RHAG: variants seen among roughly 807,000 people sequenced by gnomAD.
The protein encoded by RHAG is ammonium transporter Rh type A.
Under a neutral mutation model 42.4 loss-of-function variants are expected in RHAG, and 25 were observed. That is an observed-to-expected ratio of 0.59 (90% CI 0.43 to 0.82). The LOEUF (loss-of-function observed/expected upper bound fraction) is 0.82. Ranked by LOEUF, RHAG falls within the 40% of genes least tolerant of loss-of-function variation. The pLI, the probability that RHAG is intolerant of heterozygous loss-of-function variation, is 0.00. For missense variants in RHAG, 483 were observed against 504.6 expected, an observed-to-expected ratio of 0.96 and a Z score of 0.41; for synonymous variants, 182 against 177.7, an observed-to-expected ratio of 1.02 and a Z score of -0.19.
At chr6:49,615,312 TAAGAG>T (rs1438255686) in intron 4 of RHAG, 1 of 275,972 alleles carries the variant, frequency 3.6e-6, no homozygotes, top group Non-Finnish European at 6.9e-6. Context: ...TATCTACAGT[TAAGAG>T]AAAAGAGGAG....
intron 1 of RHAG, among the ~76,000 whole-genome samples, chr6:49,629,063 G>A (rs1163430970): frequency 6.6e-6 from 1 of 152,156 alleles, no homozygotes; most frequent in Non-Finnish European, 1.5e-5. Context: ...CCCTGAGCTA[G>A]ATACAAAGGT....
At chr6:49,619,416 C>G in intron 1 of RHAG, 54 bp from the exon 2 acceptor site, 1 of 1,498,858 alleles carries the variant, frequency 6.7e-7, no homozygotes, top group South Asian at 1.2e-5. Context: ...GAAGAAAGTA[C>G]TGCATCATAG....
Position 49,613,041 on chromosome 6 carries a change from C to T in RHAG, c.808-507G>A, listed in dbSNP as rs151090198. The stretch of plus-strand genomic sequence containing the variant: ...TTTGCAAATGTCACTGGATTGAGGA[C>T]ATTTGAGGATGAAGGAAAGAGGAAC... On this transcript the variant is annotated intron_variant, in intron 5 of 9. Coordinates refer to ENST00000371175, the MANE Select transcript of RHAG (RefSeq NM_000324.3). 5.3e-3 allele frequency among the ~76,000 whole-genome samples: 796 copies of T among 150,116 alleles called. 12 individuals are homozygous for T. The highest frequency in any genetic ancestry group is 4.9e-3 in the Non-Finnish European group (329 of 67,688).
chr6:49,616,535 C>T (rs1762658038), intron 3 of RHAG, among the ~76,000 whole-genome samples: 1 of 151,904 alleles, frequency 6.6e-6, no homozygotes, highest in Admixed American at 6.6e-5. Flanking sequence ...AGCTGAGGTC[C>T]CAGATTCACT....
intron 7 of RHAG, among the ~76,000 whole-genome samples, chr6:49,609,696 A>G (rs898049552): frequency 1.4e-4 from 21 of 152,362 alleles, no homozygotes; most frequent in Non-Finnish European, 2.1e-4. Context: ...ATATGATTAA[A>G]TGCGTTTTTC....
In RHAG at chr6:49,608,629, G is replaced by A. The variant is rs971399261; in HGVS notation, c.1068-1409C>T. 4.8e-4 allele frequency among the ~76,000 whole-genome samples: 73 copies of A among 152,122 alleles called. 1 individual carries two copies. The highest frequency in any genetic ancestry group is 1.3e-4 in the Admixed American group (2 of 15,276). ...TGACCTCAGATGATCCACCTGCCTC[G>A]GCCTCCCAAAGTGCTAGGATTACAG... On this transcript the variant is annotated intron_variant, in intron 7 of 9. Transcript: ENST00000371175.
intron 9 of RHAG, among the ~76,000 whole-genome samples, chr6:49,606,229 C>G: frequency 6.6e-6 from 1 of 152,214 alleles, no homozygotes; most frequent in East Asian, 1.9e-4. Flanking sequence ...TTGCTTTTGA[C>G]TACTTTTATG....
intron 7 of RHAG, 69 bp downstream of exon 7, chr6:49,610,955 T>G (rs1335366904): frequency 2.5e-6 from 4 of 1,594,260 alleles, no homozygotes; most frequent in Admixed American, 3.3e-5. Context: ...ATGAAAACTC[T>G]CCCATTTCTC....
At chr6:49,619,826 G>A (rs538678147) in intron 1 of RHAG, among the ~76,000 whole-genome samples, 6 of 152,256 alleles carry the variant, frequency 3.9e-5, no homozygotes, top group Admixed American at 3.3e-4. Context: ...CACTGTAATA[G>A]TCAATAAGGT....
chr6:49,619,121 A>G, intron 2 of RHAG, 58 bp downstream of exon 2: 2 of 1,570,038 alleles, frequency 1.3e-6, no homozygotes, highest in Non-Finnish European at 1.8e-6. Context: ...GGAGGTTAAG[A>G]GTGTAATATA....
chr6:49,629,622 G>C (rs1048137643), intron 1 of RHAG, among the ~76,000 whole-genome samples: 1 of 152,126 alleles, frequency 6.6e-6, no homozygotes, highest in African/African-American at 2.4e-5. Context: ...GGGGAGGCTC[G>C]GGCACACAGG....
At chr6:49,616,886 G>A (rs1344103327) in intron 3 of RHAG, among the ~76,000 whole-genome samples, 3 of 152,140 alleles carry the variant, frequency 2.0e-5, no homozygotes, top group Admixed American at 1.3e-4. Flanking sequence ...GCTTCACCAG[G>A]TGGCTTCAGG....
At chr6:49,608,538 G>A (rs889721586) in intron 7 of RHAG, among the ~76,000 whole-genome samples, 5 of 152,072 alleles carry the variant, frequency 3.3e-5, no homozygotes, top group East Asian at 1.9e-4. Flanking sequence ...CCACCATGCC[G>A]GGTACTTTTT....
Position 49,617,958 on chromosome 6 carries a change from C to T in RHAG, c.492+110G>A, listed in dbSNP as rs1270361. On this transcript the variant is annotated intron_variant, in intron 3 of 9. Transcript: ENST00000371175. The stretch of plus-strand genomic sequence containing the variant: ...TGATGGTTATTGTTACTATTTGCTA[C>T]GGTATCACTCTCACCAAGATTTGCT... 7.9e-3 allele frequency: 7,144 copies of T among 909,740 alleles called. 308 individuals are homozygous for T. In the African/African-American group the frequency reaches 0.094, roughly 12 times the overall value. The allele number at this position is 909,740 out of a possible 1,614,324, so 56.4% of individuals were successfully genotyped here.
intron 7 of RHAG, 23 bp from the exon 8 acceptor site, chr6:49,607,243 A>AT (rs1274157250): frequency 6.3e-7 from 1 of 1,599,856 alleles, no homozygotes; most frequent in Non-Finnish European, 8.6e-7. Context: ...ACAAAAAAGA[A>AT]TCAGTGTCTT....
chr6:49,609,884 C>T (rs1762541818), intron 7 of RHAG, among the ~76,000 whole-genome samples: 1 of 152,054 alleles, frequency 6.6e-6, no homozygotes, highest in African/African-American at 2.4e-5. Flanking sequence ...TTCTGCTATG[C>T]AGCCATAAAA....
intron 5 of RHAG, among the ~76,000 whole-genome samples, chr6:49,613,588 C>T (rs1015274441): frequency 6.6e-6 from 1 of 152,114 alleles, no homozygotes; most frequent in Non-Finnish European, 1.5e-5. Flanking sequence ...GCATTTTCCT[C>T]CCCACTCCAC....
intron 1 of RHAG, among the ~76,000 whole-genome samples, chr6:49,623,074 G>C (rs2127355421): frequency 6.6e-6 from 1 of 152,102 alleles, no homozygotes. Flanking sequence ...TCCTGACCTC[G>C]TGATCCGCCC....
intron 8 of RHAG, 114 bp from the exon 9 acceptor site, chr6:49,607,035 T>C: frequency 1.7e-6 from 2 of 1,206,406 alleles, no homozygotes; most frequent in South Asian, 2.5e-5. Flanking sequence ...ATAATTACTT[T>C]ACTGCCAGAA....
Sources: allele counts gnomAD v4.1 joint callset (sites outside exome capture counted in the v4.1 genomes callset), GRCh38; gene constraint gnomAD v4.1.1; transcripts MANE v1.5; gene names NCBI Gene and HGNC (gene_info 2026-07-23, HGNC 2026-07-21).